The following SLAIN2 variants were observed in gnomAD, a reference collection of about 807,000 sequenced individuals.
SLAIN2 encodes SLAIN family member 2.
In SLAIN2, 31 loss-of-function variants were observed where a neutral mutation model predicts 56.6. That is an observed-to-expected ratio of 0.55 (90% CI 0.41 to 0.74). The LOEUF (loss-of-function observed/expected upper bound fraction) is 0.74, where lower values mean the gene tolerates loss of function less well. Ranked by LOEUF, SLAIN2 falls within the 30% of genes least tolerant of loss-of-function variation. The pLI is 0.00. For synonymous variants in SLAIN2, 317 were observed against 284.9 expected (o/e 1.11, Z -1.13); for missense variants, 777 against 754.2 (o/e 1.03, Z -0.35).
At chr4:48,410,110 A>G (rs1286519842) in intron 6 of SLAIN2, among the ~76,000 whole-genome samples, 1 of 152,070 alleles carries the variant, frequency 6.6e-6, no homozygotes, top group Admixed American at 6.5e-5. Context: ...CCTCAGTAAC[A>G]CTTGTTGTCT....
At chr4:48,355,617 A>G (rs1300919131) in intron 1 of SLAIN2, among the ~76,000 whole-genome samples, 6 of 152,144 alleles carry the variant, frequency 3.9e-5, no homozygotes, top group Non-Finnish European at 8.8e-5. Context: ...GTATTCTTAA[A>G]TATTAACTTT....
At chr4:48,351,427 T>C (rs527286561) in intron 1 of SLAIN2, among the ~76,000 whole-genome samples, 48 of 152,344 alleles carry the variant, frequency 3.2e-4, no homozygotes, top group African/African-American at 1.1e-3. Flanking sequence ...TCATTTCTCC[T>C]CTGAGTGGGA....
chr4:48,391,986 A>G (rs1278110338), intron 6 of SLAIN2, among the ~76,000 whole-genome samples: 3 of 152,196 alleles, frequency 2.0e-5, no homozygotes, highest in Non-Finnish European at 4.4e-5. Context: ...TCTAAATATT[A>G]AAATAACCAA....
Position 48,383,637 on chromosome 4 carries a change from T to A in SLAIN2, c.1223-10T>A. ...AATATGATTTTTTTAAAATTAAAATTCTGTTGCAGAAAAACTAAGACGCAG... is the reference window on the plus strand; with the variant it reads ...AATATGATTTTTTTAAAATTAAAATACTGTTGCAGAAAAACTAAGACGCAG... On this transcript the variant is annotated splice_polypyrimidine_tract_variant and intron_variant, in intron 5 of 7. Transcript: ENST00000264313. 1 of 1,505,554 alleles carries A rather than the reference T, an allele frequency of 6.6e-7. No individual in the cohort carries two copies. Among genetic ancestry groups the A allele is most frequent in the East Asian group, 2.4e-5 (1 of 42,308 alleles). The allele number at this position is 1,505,554 out of a possible 1,614,324, so 93.3% of individuals were successfully genotyped here.
At chr4:48,389,586 A>T (rs2109768251) in intron 6 of SLAIN2, among the ~76,000 whole-genome samples, 1 of 152,336 alleles carries the variant, frequency 6.6e-6, no homozygotes, top group South Asian at 2.1e-4. Context: ...CAGCAGTGTG[A>T]AGGGATTTTC....
chr4:48,408,021 C>T (rs1716744811), intron 6 of SLAIN2, among the ~76,000 whole-genome samples: 1 of 152,108 alleles, frequency 6.6e-6, no homozygotes, highest in South Asian at 2.1e-4. Flanking sequence ...TAGCATGTAT[C>T]AGTATAGTCA....
At chr4:48,347,781 G>A (rs577695176) in intron 1 of SLAIN2, among the ~76,000 whole-genome samples, 3 of 152,226 alleles carry the variant, frequency 2.0e-5, no homozygotes, top group East Asian at 1.9e-4. Context: ...TTCCATGGAC[G>A]CCAGCCCCTG....
intron 6 of SLAIN2, among the ~76,000 whole-genome samples, chr4:48,397,157 C>T (rs917185918): frequency 3.3e-5 from 5 of 151,942 alleles, no homozygotes; most frequent in African/African-American, 7.3e-5. Flanking sequence ...ACCAAGCCAG[C>T]GGGAAAAAAT....
chr4:48,379,238 A>G (rs1715910352), intron 3 of SLAIN2, among the ~76,000 whole-genome samples: 1 of 152,230 alleles, frequency 6.6e-6, no homozygotes, highest in South Asian at 2.1e-4. Context: ...AATTTTATTC[A>G]AATTATAGTT....
intron 6 of SLAIN2, among the ~76,000 whole-genome samples, chr4:48,389,418 T>G (rs1431984475): frequency 6.6e-6 from 1 of 152,202 alleles, no homozygotes; most frequent in Non-Finnish European, 1.5e-5. Context: ...TATCCAGTGG[T>G]CAGTCACTTA....
chr4:48,422,999 A>G lies in SLAIN2; in HGVS notation c.*922A>G, dbSNP rs369136229. ...AGTAGTGTGTGTCTTTATTCTTGAT[A>G]CAACACCACCTCGGTGCTTGCAACC... On this transcript the variant is annotated 3_prime_UTR_variant, in exon 8 of 8. Transcript: ENST00000264313. The G allele has an allele frequency of 5.9e-5, 9 of 152,308 alleles. No individual in the cohort carries two copies. In the East Asian group the frequency reaches 1.3e-3, roughly 23 times the overall value. 9.4% of individuals were successfully genotyped at this position (152,308 alleles called of 1,614,324 possible). A position where few individuals can be genotyped will look rare whatever the true frequency, so the allele number is the denominator to read the frequency against.
At chr4:48,369,626 T>C (rs1715613446) in intron 1 of SLAIN2, among the ~76,000 whole-genome samples, 1 of 152,190 alleles carries the variant, frequency 6.6e-6, no homozygotes, top group African/African-American at 2.4e-5. Context: ...ACACCTACTT[T>C]AGGAATACCT....
At chr4:48,399,356 A>G (rs999205143) in intron 6 of SLAIN2, among the ~76,000 whole-genome samples, 5 of 152,144 alleles carry the variant, frequency 3.3e-5, no homozygotes, top group African/African-American at 1.2e-4. Context: ...TTGATTTTGT[A>G]TCTTGGGACT....
chr4:48,342,621 G>A (rs1418026902), intron 1 of SLAIN2, among the ~76,000 whole-genome samples: 1 of 151,762 alleles, frequency 6.6e-6, no homozygotes, highest in Non-Finnish European at 1.5e-5. Flanking sequence ...CATTTCTGGC[G>A]GGGATGGGGA....
At chr4:48,391,695 T>C (rs547515637) in intron 6 of SLAIN2, among the ~76,000 whole-genome samples, 4 of 152,272 alleles carry the variant, frequency 2.6e-5, no homozygotes, top group Non-Finnish European at 5.9e-5. Flanking sequence ...TGATTGGAAT[T>C]CCAGAAATAG....
chr4:48,363,786 G>A (rs1354685944), intron 1 of SLAIN2, among the ~76,000 whole-genome samples: 1 of 136,406 alleles, frequency 7.3e-6, no homozygotes, highest in Non-Finnish European at 1.6e-5. Flanking sequence ...GCGGCTGGCC[G>A]GGTGGGGGGG....
intron 6 of SLAIN2, among the ~76,000 whole-genome samples, chr4:48,403,971 G>T (rs1055897453): frequency 6.6e-6 from 1 of 152,164 alleles, no homozygotes; most frequent in Non-Finnish European, 1.5e-5. Flanking sequence ...TCAGGGCAGG[G>T]TTGCACAATC....
chr4:48,393,801 A>G (rs150393345), intron 6 of SLAIN2, among the ~76,000 whole-genome samples: 2 of 152,110 alleles, frequency 1.3e-5, no homozygotes, highest in African/African-American at 2.4e-5. Context: ...AATTGGAACC[A>G]CTTTTATCTT....
intron 6 of SLAIN2, among the ~76,000 whole-genome samples, chr4:48,418,685 C>A (rs752818072): frequency 1.3e-5 from 2 of 152,124 alleles, no homozygotes; most frequent in Non-Finnish European, 2.9e-5. Flanking sequence ...GGGACATGTT[C>A]TTTCCTATTT....
Sources: gnomAD v4.1 joint callset for allele counts (sites outside exome capture counted in the v4.1 genomes callset) on GRCh38, gnomAD v4.1.1 for gene constraint, MANE v1.5 for transcripts, NCBI Gene and HGNC (gene_info 2026-07-23, HGNC 2026-07-21) for gene names.